ASCC3: variants seen among roughly 807,000 people sequenced by gnomAD.
The protein encoded by ASCC3 is activating signal cointegrator 1 complex subunit 3.
In ASCC3, 158 loss-of-function variants were observed where a neutral mutation model predicts 256.3. The ratio of observed to expected loss-of-function variants is 0.62; its 90% CI spans 0.54 to 0.70. The LOEUF is 0.70. ASCC3 is among the 30% of genes least tolerant of loss of function. ASCC3 has a pLI of 0.00. For missense variants in ASCC3, 2,259 were observed against 2,626.0 expected (o/e 0.86, Z 3.05); for synonymous variants, 948 against 883.4 (o/e 1.07, Z -1.30).
At chr6:100,625,731 G>C (rs1013054333) in intron 29 of ASCC3, among the ~76,000 whole-genome samples, 1 of 152,084 alleles carries the variant, frequency 6.6e-6, no homozygotes, top group African/African-American at 2.4e-5. Context: ...ATATTACAGA[G>C]TTAACTGGTC....
Position 100,642,827 on chromosome 6 carries a change from C to T in ASCC3, c.3733-78G>A, listed in dbSNP as rs74951735. On this transcript the variant is annotated intron_variant, in intron 23 of 41. Coordinates refer to ENST00000369162, the MANE Select transcript of ASCC3 (RefSeq NM_006828.4). ...CCTTATTAGTCTATTGTTAAGATAA[C>T]GGTATCTCTACAAGATATACTAAAG... 4,016 of 1,278,410 alleles carry T rather than the reference C, an allele frequency of 3.1e-3. 93 individuals are homozygous for T. In the African/African-American group the frequency reaches 0.051, roughly 16 times the overall value. 79.2% of individuals were successfully genotyped at this position (1,278,410 alleles called of 1,614,324 possible).
At chr6:100,608,407 A>G (rs182196406) in intron 30 of ASCC3, among the ~76,000 whole-genome samples, 1,341 of 79,236 alleles carry the variant, frequency 0.017, 301 homozygotes, top group African/African-American at 0.05. Context: ...CCTTATATAT[A>G]TATACCTTAT....
Position 100,870,599 on chromosome 6 carries a change from G to A in ASCC3, c.-41-2561C>T, listed in dbSNP as rs992478027. On this transcript the variant is annotated intron_variant, in intron 1 of 41. Transcript: ENST00000369162. Reference sequence around the variant, plus strand: ...TTGCACTGCAAATCAGTAAAGAACTGGTATGAGGACAGCTGGGGAAAAAAC... The same window carrying A: ...TTGCACTGCAAATCAGTAAAGAACTAGTATGAGGACAGCTGGGGAAAAAAC... 1.4e-4 allele frequency among the ~76,000 whole-genome samples: 21 copies of A among 152,198 alleles called. No individual in the cohort carries two copies. The South Asian group carries it at 3.5e-3, about 26-fold the overall frequency.
At chr6:100,724,658 C>A (rs1003571794) in intron 11 of ASCC3, among the ~76,000 whole-genome samples, 4 of 151,664 alleles carry the variant, frequency 2.6e-5, no homozygotes, top group Non-Finnish European at 5.9e-5. Flanking sequence ...AAGGGCTGGG[C>A]ATTTTCCTGG....
intron 10 of ASCC3, 21 bp from the exon 11 acceptor site, chr6:100,725,724 T>C (rs1265562405): frequency 1.9e-6 from 3 of 1,611,500 alleles, no homozygotes; most frequent in African/African-American, 1.3e-5. Flanking sequence ...AGACACATTT[T>C]AAAAGGGGAA....
At chr6:100,848,066 T>C (rs1772467285) in intron 4 of ASCC3, 82 bp downstream of exon 4, 13 of 1,358,388 alleles carry the variant, frequency 9.6e-6, no homozygotes, top group South Asian at 1.5e-5. Flanking sequence ...GAACTTTCTT[T>C]GCTAACCACC....
chr6:100,566,056 C>A (rs540910495), intron 36 of ASCC3, among the ~76,000 whole-genome samples: 8 of 152,226 alleles, frequency 5.3e-5, no homozygotes, highest in South Asian at 4.1e-4. Context: ...AGTAAAGCAG[C>A]TCTGAATGCA....
At chr6:100,807,064 G>T (rs1418340723) in intron 4 of ASCC3, among the ~76,000 whole-genome samples, 1 of 151,792 alleles carries the variant, frequency 6.6e-6, no homozygotes, top group Non-Finnish European at 1.5e-5. Context: ...CAAGCCTAAA[G>T]AACTCTCCAC....
chr6:100,803,096 A>G (rs1317645475), intron 5 of ASCC3, among the ~76,000 whole-genome samples: 1 of 152,108 alleles, frequency 6.6e-6, no homozygotes, highest in Non-Finnish European at 1.5e-5. Flanking sequence ...AATTTACAAC[A>G]TTGCAGGACT....
At chr6:100,680,363 C>T (rs1290981944) in intron 13 of ASCC3, among the ~76,000 whole-genome samples, 1 of 152,104 alleles carries the variant, frequency 6.6e-6, no homozygotes, top group Non-Finnish European at 1.5e-5. Flanking sequence ...AAAAATGCAT[C>T]TTCAGGGACA....
At chr6:100,518,922 CTTGTT>C (rs1268020386) in intron 37 of ASCC3, among the ~76,000 whole-genome samples, 4 of 151,992 alleles carry the variant, frequency 2.6e-5, no homozygotes, top group African/African-American at 4.8e-5. Flanking sequence ...GTACTGTACT[CTTGTT>C]TTGGGAAATG....
chr6:100,847,198 T>G (rs1345234188), intron 4 of ASCC3, among the ~76,000 whole-genome samples: 1 of 152,154 alleles, frequency 6.6e-6, no homozygotes, highest in Non-Finnish European at 1.5e-5. Context: ...TAAATTTCAG[T>G]TTATTATAAT....
intron 36 of ASCC3, among the ~76,000 whole-genome samples, chr6:100,583,942 G>A (rs1771477418): frequency 6.6e-6 from 1 of 152,176 alleles, no homozygotes; most frequent in Non-Finnish European, 1.5e-5. Flanking sequence ...TTGCATTGTG[G>A]TCTGAGAGAT....
At chr6:100,831,199 T>A (rs923998067) in intron 4 of ASCC3, among the ~76,000 whole-genome samples, 1 of 151,942 alleles carries the variant, frequency 6.6e-6, no homozygotes, top group Non-Finnish European at 1.5e-5. Context: ...CTAAAAATTA[T>A]CTTGAAAAAC....
chr6:100,658,655 C>G (rs1235423320), intron 16 of ASCC3, among the ~76,000 whole-genome samples: 5 of 151,380 alleles, frequency 3.3e-5, no homozygotes, highest in Non-Finnish European at 5.9e-5. Flanking sequence ...AATCCAGTGA[C>G]AGTATCTCTA....
At chr6:100,874,948 G>A (rs879518835) in intron 1 of ASCC3, among the ~76,000 whole-genome samples, 14 of 152,178 alleles carry the variant, frequency 9.2e-5, no homozygotes, top group East Asian at 3.8e-4. Context: ...TTTGGAAACT[G>A]ATGAAATAAG....
intron 37 of ASCC3, chr6:100,530,719 T>G: frequency 2.1e-6 from 2 of 956,882 alleles, no homozygotes; most frequent in South Asian, 2.6e-5. Flanking sequence ...TAACAAGAAT[T>G]GAAAGAACCA....
chr6:100,574,688 GA>G (rs563446995), intron 36 of ASCC3, among the ~76,000 whole-genome samples: 4,937 of 133,824 alleles, frequency 0.037, 234 homozygotes, highest in African/African-American at 0.13. Flanking sequence ...AAGTAATTAA[GA>G]AAAAAAAAAA....
At chr6:100,781,571 G>A (rs1018041271) in intron 8 of ASCC3, among the ~76,000 whole-genome samples, 10 of 134,726 alleles carry the variant, frequency 7.4e-5, no homozygotes, top group Non-Finnish European at 1.4e-4. Context: ...TTTTTTTTTA[G>A]TAGAGACACG....
Sources: gnomAD v4.1 joint callset for allele counts (sites outside exome capture counted in the v4.1 genomes callset) on GRCh38, gnomAD v4.1.1 for gene constraint, MANE v1.5 for transcripts, NCBI Gene and HGNC (gene_info 2026-07-23, HGNC 2026-07-21) for gene names.